ASAP2: variants seen among roughly 807,000 people sequenced by gnomAD.
ASAP2 encodes ArfGAP with SH3 domain, ankyrin repeat and PH domain 2.
A neutral mutation model predicts 131.4 loss-of-function variants in ASAP2; 45 were observed. The observed-to-expected ratio is 0.34, with a 90% CI of 0.27 to 0.44. ASAP2 has a LOEUF of 0.44. Ranked by LOEUF, ASAP2 falls within the 20% of genes least tolerant of loss-of-function variation. ASAP2 has a pLI of 1.00. For missense variants in ASAP2, 1,011 were observed against 1,297.0 expected, an observed-to-expected ratio of 0.78 and a Z score of 3.39; for synonymous variants, 510 against 503.0, an observed-to-expected ratio of 1.01 and a Z score of -0.19.
chr2:9,286,447 A>AAAAT lies in ASAP2; in HGVS notation c.199+7059_199+7060insAATA, dbSNP rs58605449. Among the ~76,000 whole-genome samples the AAAAT allele has an allele frequency of 1.8e-3, 272 of 148,482 alleles. 3 individuals are homozygous for AAAAT. Among genetic ancestry groups the AAAAT allele is most frequent in the African/African-American group, 6.5e-3 (256 of 39,574 alleles). On this transcript the variant is annotated intron_variant, in intron 2 of 27. Transcript: ENST00000281419. Reference sequence around the variant, plus strand: ...TTTTTTTTAAAAAAGGAAAAAAAAAAATATATATATATATACTGTATCTGA... The same window carrying AAAAT: ...TTTTTTTTAAAAAAGGAAAAAAAAAAAAATATATATATATATATACTGTATCTGA...
chr2:9,367,879 C>T (rs1282660287), intron 15 of ASAP2, among the ~76,000 whole-genome samples: 1 of 152,132 alleles, frequency 6.6e-6, no homozygotes, highest in Admixed American at 6.6e-5. Context: ...CTGTTTTCAC[C>T]TAAATTTTAT....
At chr2:9,279,267 C>G (rs756321905) in intron 1 of ASAP2, 50 bp from the exon 2 acceptor site, 1 of 1,562,470 alleles carries the variant, frequency 6.4e-7, no homozygotes, top group South Asian at 1.1e-5. Flanking sequence ...TCGCTGCTAG[C>G]GTGGTCTCAG....
intron 9 of ASAP2, among the ~76,000 whole-genome samples, chr2:9,337,925 C>T (rs954550413): frequency 6.6e-6 from 1 of 152,164 alleles, no homozygotes; most frequent in African/African-American, 2.4e-5. Context: ...ACCCATAGTG[C>T]AATATTATAC....
chr2:9,283,072 CTTT>C (rs35131756), intron 2 of ASAP2, among the ~76,000 whole-genome samples: 5 of 150,642 alleles, frequency 3.3e-5, no homozygotes, highest in African/African-American at 1.2e-4. Flanking sequence ...GTAATAGATT[CTTT>C]TTTTTTTCCT....
At chr2:9,308,414 C>T (rs1000127576) in intron 3 of ASAP2, among the ~76,000 whole-genome samples, 1 of 152,206 alleles carries the variant, frequency 6.6e-6, no homozygotes, top group African/African-American at 2.4e-5. Flanking sequence ...AGTCATCTCC[C>T]ACCAGGCCCC....
At chr2:9,303,205 G>C (rs1006079195) in intron 3 of ASAP2, among the ~76,000 whole-genome samples, 4 of 152,204 alleles carry the variant, frequency 2.6e-5, no homozygotes, top group African/African-American at 9.6e-5. Flanking sequence ...CACTGTTTTA[G>C]ACATAAACTA....
intron 14 of ASAP2, among the ~76,000 whole-genome samples, chr2:9,358,541 TGGAG>T (rs1439731241): frequency 6.6e-6 from 1 of 151,990 alleles, no homozygotes; most frequent in Non-Finnish European, 1.5e-5. Context: ...GATGGGGAGA[TGGAG>T]AGAGAGGGAA....
At chr2:9,240,123 G>A (rs1663844008) in intron 1 of ASAP2, among the ~76,000 whole-genome samples, 1 of 151,912 alleles carries the variant, frequency 6.6e-6, no homozygotes, top group South Asian at 2.1e-4. Flanking sequence ...AAATACTGAA[G>A]CCCCATTATC....
rs749068561 is a variant in ASAP2, at chr2:9,403,316, A to G, written c.3010A>G (p.Ile1004Val). ...ATTCCCGGTGTCATTTGTGCACTTT[A>G]TCGCTGACTGAATTGCTACTGAACA... The part of the protein sequence containing the change: ...GAFPVSFVHF[I>V]AD Residue 1004 changes from isoleucine (I) to valine (V), a missense_variant, in exon 28 of 28, where the codon ATC (isoleucine) becomes GTC (valine). Ile to Val is a conservative substitution (Grantham distance 29, BLOSUM62 3). Around this residue, in one of 2 missense-constraint regions of ASAP2, gnomAD observed 652 missense variants for 698.9 expected, o/e 0.93. Coordinates refer to ENST00000281419, the MANE Select transcript of ASAP2 (RefSeq NM_003887.3). 39 of 1,613,992 alleles carry G rather than the reference A, an allele frequency of 2.4e-5. No homozygotes were observed. Among genetic ancestry groups the G allele is most frequent in the Non-Finnish European group, 3.1e-5 (37 of 1,179,986 alleles).
intron 1 of ASAP2, among the ~76,000 whole-genome samples, chr2:9,277,196 C>T (rs754102493): frequency 2.6e-5 from 4 of 152,224 alleles, no homozygotes; most frequent in Admixed American, 6.5e-5. Flanking sequence ...TGTGTGAGAG[C>T]TGTGCTGTCT....
chr2:9,355,197 A>C (rs544438021), intron 12 of ASAP2, among the ~76,000 whole-genome samples: 3 of 152,026 alleles, frequency 2.0e-5, no homozygotes, highest in African/African-American at 7.2e-5. Flanking sequence ...TTTTCCCCCA[A>C]ATGTCCTTTT....
chr2:9,265,372 A>G (rs548699352), intron 1 of ASAP2, among the ~76,000 whole-genome samples: 1 of 152,348 alleles, frequency 6.6e-6, no homozygotes, highest in East Asian at 1.9e-4. Flanking sequence ...CCGAGGGACT[A>G]CAGTTTTGAG....
chr2:9,343,321 T>A (rs954891210), intron 9 of ASAP2, among the ~76,000 whole-genome samples: 4 of 152,258 alleles, frequency 2.6e-5, no homozygotes, highest in African/African-American at 9.6e-5. Context: ...CTGGTTGACC[T>A]GTGAACACTT....
At chr2:9,254,254 T>TATATATATATATATATATATATACACAC (rs1553297027) in intron 1 of ASAP2, among the ~76,000 whole-genome samples, 18 of 65,722 alleles carry the variant, frequency 2.7e-4, no homozygotes, top group African/African-American at 1.2e-3. Flanking sequence ...TATATATATA[T>TATATATATATATATATATATATACACAC]ACACGTGTGT....
intron 3 of ASAP2, among the ~76,000 whole-genome samples, chr2:9,304,809 A>T (rs1668738813): frequency 7.2e-6 from 1 of 139,508 alleles, no homozygotes; most frequent in Admixed American, 7.1e-5. Context: ...AGGTATAGAT[A>T]TTGGTGGAGG....
intron 1 of ASAP2, among the ~76,000 whole-genome samples, chr2:9,234,303 A>G (rs1196903881): frequency 6.6e-6 from 1 of 152,126 alleles, no homozygotes; most frequent in Non-Finnish European, 1.5e-5. Flanking sequence ...GGAGGCAGCA[A>G]TAACCAGACT....
chr2:9,296,725 G>T (rs1380004859), intron 2 of ASAP2, among the ~76,000 whole-genome samples: 1 of 152,206 alleles, frequency 6.6e-6, no homozygotes. Context: ...CAGGGTGTAG[G>T]GCAGAGTCAT....
chr2:9,380,627 C>T, intron 19 of ASAP2, 114 bp from the exon 20 acceptor site: 1 of 967,874 alleles, frequency 1.0e-6, no homozygotes, highest in South Asian at 1.3e-5. Context: ...ATTTCATTAA[C>T]CAGGCCCAAT....
chr2:9,262,711 A>G (rs2666217), intron 1 of ASAP2, among the ~76,000 whole-genome samples: 8,551 of 152,264 alleles, frequency 0.056, 605 homozygotes, highest in African/African-American at 0.16. Context: ...AAAGGAACAC[A>G]GCACACAAAT....
Sources: allele counts gnomAD v4.1 joint callset (sites outside exome capture counted in the v4.1 genomes callset), GRCh38; gene constraint gnomAD v4.1.1; regional missense constraint gnomAD v4.1.1; transcripts MANE v1.5; gene names NCBI Gene and HGNC (gene_info 2026-07-23, HGNC 2026-07-21).